The following ARHGAP6 variants were observed in gnomAD, a reference collection of about 807,000 sequenced individuals.
ARHGAP6 encodes the protein rho GTPase-activating protein 6.
Under a neutral mutation model 55.7 loss-of-function variants are expected in ARHGAP6, and 16 were observed. That is an observed-to-expected ratio of 0.29 (90% confidence interval 0.19 to 0.44). ARHGAP6 has a LOEUF of 0.44. Ranked by LOEUF, ARHGAP6 falls within the 20% of genes least tolerant of loss-of-function variation. The pLI, the probability that ARHGAP6 is intolerant of heterozygous loss-of-function variation, is 1.00. For synonymous variants in ARHGAP6, 382 were observed against 360.9 expected, an observed-to-expected ratio of 1.06 and a Z score of -0.66; for missense variants, 698 against 808.9, an observed-to-expected ratio of 0.86 and a Z score of 1.66.
chrX:11,172,517 AC>A (rs898657506), intron 8 of ARHGAP6, among the ~76,000 whole-genome samples: 7 of 110,744 alleles, frequency 6.3e-5, no homozygotes, highest in Admixed American at 3.8e-4. Flanking sequence ...TTTAAAAAAA[AC>A]ATTAACAAAT....
At chrX:11,578,084 A>G (rs1007880742) in intron 1 of ARHGAP6, among the ~76,000 whole-genome samples, 13 of 111,718 alleles carry the variant, frequency 1.2e-4, no homozygotes, top group Non-Finnish European at 1.7e-4. Context: ...GAAACAGAAG[A>G]TATTTTTATA....
chrX:11,643,318 A>G (rs1349876304), intron 1 of ARHGAP6, among the ~76,000 whole-genome samples: 1 of 112,145 alleles, frequency 8.9e-6, no homozygotes, highest in East Asian at 2.8e-4. Context: ...ATGCCAAAAA[A>G]ATTCTGGACA....
At chrX:11,213,559 A>G (rs937036853) in intron 2 of ARHGAP6, among the ~76,000 whole-genome samples, 1 of 112,912 alleles carries the variant, frequency 8.9e-6, no homozygotes, top group Non-Finnish European at 1.9e-5. Flanking sequence ...GTAAAATGGA[A>G]TAGTATTCAG....
chrX:11,487,246 GTTGTGACAT>G (rs2147844031), intron 1 of ARHGAP6, among the ~76,000 whole-genome samples: 1 of 112,153 alleles, frequency 8.9e-6, no homozygotes, highest in East Asian at 2.8e-4. Flanking sequence ...AGGTCTAAGA[GTTGTGACAT>G]TCAACAGTAA....
intron 1 of ARHGAP6, among the ~76,000 whole-genome samples, chrX:11,512,299 G>A (rs1420489801): frequency 1.8e-5 from 2 of 111,472 alleles, no homozygotes; most frequent in Admixed American, 9.6e-5. Context: ...AACATAACCT[G>A]GAAATTATTT....
intron 1 of ARHGAP6, among the ~76,000 whole-genome samples, chrX:11,258,433 G>T (rs973980420): frequency 1.8e-5 from 2 of 110,175 alleles, no homozygotes; most frequent in African/African-American, 6.6e-5. Flanking sequence ...TGTTTGCAGG[G>T]GGAGAAGGAA....
At chrX:11,576,087 T>G (rs755178216) in intron 1 of ARHGAP6, among the ~76,000 whole-genome samples, 1 of 112,097 alleles carries the variant, frequency 8.9e-6, no homozygotes, top group Admixed American at 9.5e-5. Context: ...AAATAAACTT[T>G]CCATGCTTTT....
At chrX:11,399,892 A>T (rs2049526430) in intron 1 of ARHGAP6, among the ~76,000 whole-genome samples, 1 of 112,644 alleles carries the variant, frequency 8.9e-6, no homozygotes, top group Non-Finnish European at 1.9e-5. Context: ...AAGATTATTC[A>T]GCCACAAAAT....
intron 1 of ARHGAP6, among the ~76,000 whole-genome samples, chrX:11,591,294 TACAG>T (rs1346607529): frequency 9.1e-6 from 1 of 110,037 alleles, no homozygotes; most frequent in Non-Finnish European, 1.9e-5. Flanking sequence ...ACAATAGAAT[TACAG>T]ACAAACAATA....
At chrX:11,144,701 G>C (rs2045666092) in intron 10 of ARHGAP6, among the ~76,000 whole-genome samples, 1 of 112,543 alleles carries the variant, frequency 8.9e-6, no homozygotes, top group Admixed American at 9.4e-5. Context: ...CACTTTGCTT[G>C]AAGTTCATTA....
At chrX:11,244,639 A>G (rs2047329572) in intron 2 of ARHGAP6, among the ~76,000 whole-genome samples, 1 of 112,370 alleles carries the variant, frequency 8.9e-6, no homozygotes, top group Non-Finnish European at 1.9e-5. Context: ...CAAAATGTTC[A>G]TGTTTGAAGG....
At position 11,144,082 on chromosome X, in the gene ARHGAP6, C is replaced by G. The variant is rs1569228803; in HGVS notation, c.2074G>C (p.Gly692Arg). 1.7e-6 allele frequency: 2 copies of G among 1,210,617 alleles called. No homozygotes were observed. The highest frequency in any genetic ancestry group is 5.9e-5 in the East Asian group (2 of 33,823). ...LAMQEDAAPG[G>R]SEKLYRVPGQ... ...GGCACTCTGTAAAGCTTCTCCGAGC[C>G]CCCCGGGGCCGCGTCCTCTTGCATA... Residue 692 changes from glycine to arginine, a missense_variant, in exon 11 of 13, where the codon GGC (glycine) becomes CGC (arginine). Transcript: ENST00000337414.
chrX:11,358,644 T>A (rs992459677), intron 1 of ARHGAP6, among the ~76,000 whole-genome samples: 1 of 110,551 alleles, frequency 9.0e-6, no homozygotes, highest in African/African-American at 3.3e-5. Flanking sequence ...CACACCCAGC[T>A]AATTTTTTGT....
intron 1 of ARHGAP6, among the ~76,000 whole-genome samples, chrX:11,500,677 AAAAAAAAG>A (rs1410453014): frequency 5.5e-5 from 6 of 108,862 alleles, no homozygotes; most frequent in African/African-American, 2.0e-4. Flanking sequence ...AAAAAAAAAA[AAAAAAAAG>A]AAGAAGCAAA....
At chrX:11,329,949 A>G (rs1303835266) in intron 1 of ARHGAP6, among the ~76,000 whole-genome samples, 2 of 113,230 alleles carry the variant, frequency 1.8e-5, no homozygotes, top group Non-Finnish European at 3.7e-5. Flanking sequence ...TTATGAGACC[A>G]CTGTTGTCTA....
intron 1 of ARHGAP6, among the ~76,000 whole-genome samples, chrX:11,543,135 G>A (rs917575843): frequency 8.9e-6 from 1 of 112,097 alleles, no homozygotes; most frequent in Admixed American, 9.4e-5. Context: ...TTGATTTATT[G>A]CAGATACCAA....
chrX:11,271,869 AG>A (rs1260787511), intron 1 of ARHGAP6, among the ~76,000 whole-genome samples: 2 of 112,135 alleles, frequency 1.8e-5, no homozygotes, highest in African/African-American at 6.5e-5. Context: ...GAAAAAGTCT[AG>A]CATTAATGAT....
intron 1 of ARHGAP6, among the ~76,000 whole-genome samples, chrX:11,489,224 G>T (rs1299586819): frequency 8.9e-6 from 1 of 111,737 alleles, no homozygotes; most frequent in African/African-American, 3.3e-5. Context: ...TCAAACAACA[G>T]CAATGAACCA....
intron 1 of ARHGAP6, among the ~76,000 whole-genome samples, chrX:11,645,146 G>A (rs756399518): frequency 9.0e-6 from 1 of 111,628 alleles, no homozygotes; most frequent in African/African-American, 3.2e-5. Flanking sequence ...AGACTATAGT[G>A]ATGGAGAACA....
Sources: gnomAD v4.1 joint callset for allele counts (sites outside exome capture counted in the v4.1 genomes callset) on GRCh38, gnomAD v4.1.1 for gene constraint, MANE v1.5 for transcripts, NCBI Gene and HGNC (gene_info 2026-07-23, HGNC 2026-07-21) for gene names.